RALYL: variants seen among roughly 807,000 people sequenced by gnomAD.
RALYL encodes the protein RNA-binding Raly-like protein.
A neutral mutation model predicts 35.1 loss-of-function variants in RALYL; 29 were observed. The ratio of observed to expected loss-of-function variants is 0.83; its 90% CI spans 0.61 to 1.13. The LOEUF is 1.13. Ranked by LOEUF, RALYL falls within the 50% of genes most tolerant of loss-of-function variation. RALYL has a pLI of 0.00. For missense variants in RALYL, 359 were observed against 360.4 expected, an observed-to-expected ratio of 1.00 and a Z score of 0.03; for synonymous variants, 120 against 127.6, an observed-to-expected ratio of 0.94 and a Z score of 0.40.
At chr8:84,349,411 G>A (rs565014257) in intron 1 of RALYL, among the ~76,000 whole-genome samples, 2 of 150,286 alleles carry the variant, frequency 1.3e-5, no homozygotes, top group African/African-American at 2.5e-5. Flanking sequence ...TTAAGAAACT[G>A]AACAAGGGGA....
At chr8:84,432,855 A>T (rs911116354) in intron 1 of RALYL, among the ~76,000 whole-genome samples, 1 of 152,122 alleles carries the variant, frequency 6.6e-6, no homozygotes, top group African/African-American at 2.4e-5. Context: ...AGAGTCTCAC[A>T]GGGAGCATGG....
intron 2 of RALYL, among the ~76,000 whole-genome samples, chr8:84,586,062 G>T (rs1483311250): frequency 6.6e-6 from 1 of 151,936 alleles, no homozygotes; most frequent in African/African-American, 2.4e-5. Context: ...GGGCGTGGTG[G>T]CACACACCTG....
At chr8:84,831,165 G>A (rs1267132787) in intron 4 of RALYL, among the ~76,000 whole-genome samples, 1 of 152,072 alleles carries the variant, frequency 6.6e-6, no homozygotes, top group Non-Finnish European at 1.5e-5. Flanking sequence ...ATAATAAAAA[G>A]TAAAATATAT....
chr8:84,183,150 C>T, upstream of RALYL: 1 of 160,318 alleles, frequency 6.2e-6, no homozygotes, highest in Non-Finnish European at 1.4e-5. Flanking sequence ...GCAGAGGCGG[C>T]GGCAGCTGCG....
chr8:84,491,631 C>A (rs75046789), intron 1 of RALYL, among the ~76,000 whole-genome samples: 1 of 151,732 alleles, frequency 6.6e-6, no homozygotes, highest in Non-Finnish European at 1.5e-5. Context: ...CTTGCTTTAA[C>A]GAAAACAAAA....
intron 1 of RALYL, among the ~76,000 whole-genome samples, chr8:84,522,754 T>C (rs996408578): frequency 1.3e-5 from 2 of 152,206 alleles, no homozygotes; most frequent in Non-Finnish European, 2.9e-5. Flanking sequence ...TAACTTTTAG[T>C]GTATGATCCA....
At chr8:84,714,428 A>T (rs1470249390) in intron 2 of RALYL, among the ~76,000 whole-genome samples, 1 of 151,828 alleles carries the variant, frequency 6.6e-6, no homozygotes, top group Non-Finnish European at 1.5e-5. Flanking sequence ...AGACATGGTA[A>T]TGGATATGTT....
At chr8:84,744,120 T>A (rs1011736170) in intron 2 of RALYL, among the ~76,000 whole-genome samples, 2 of 151,972 alleles carry the variant, frequency 1.3e-5, no homozygotes, top group South Asian at 2.1e-4. Flanking sequence ...CAACAATTTT[T>A]AAAAAATAAA....
intron 6 of RALYL, among the ~76,000 whole-genome samples, chr8:84,866,898 A>C (rs1207543522): frequency 6.6e-6 from 1 of 152,190 alleles, no homozygotes; most frequent in Non-Finnish European, 1.5e-5. Flanking sequence ...AATTCTCAGC[A>C]AAGTGCTACC....
At chr8:84,614,740 C>T (rs1053338284) in intron 2 of RALYL, among the ~76,000 whole-genome samples, 7 of 149,964 alleles carry the variant, frequency 4.7e-5, no homozygotes, top group Admixed American at 3.3e-4. Flanking sequence ...ATGGAAAGAG[C>T]TAAGACTACA....
intron 2 of RALYL, among the ~76,000 whole-genome samples, chr8:84,634,395 C>T (rs1389793014): frequency 6.6e-6 from 1 of 151,838 alleles, no homozygotes; most frequent in Non-Finnish European, 1.5e-5. Context: ...TTTTAGAAAA[C>T]ACTTCTAAAA....
intron 1 of RALYL, among the ~76,000 whole-genome samples, chr8:84,452,575 T>A (rs773151093): frequency 6.6e-6 from 1 of 151,932 alleles, no homozygotes; most frequent in Non-Finnish European, 1.5e-5. Context: ...ATAAATGAAT[T>A]AGCAACCAAC....
chr8:84,527,090 C>T (rs188502369), intron 1 of RALYL, among the ~76,000 whole-genome samples: 7 of 152,248 alleles, frequency 4.6e-5, no homozygotes, highest in Non-Finnish European at 8.8e-5. Context: ...TGACAGAATA[C>T]AATACTACAA....
chr8:84,554,880 T>A (rs531796670), intron 2 of RALYL, among the ~76,000 whole-genome samples: 1 of 152,314 alleles, frequency 6.6e-6, no homozygotes, highest in East Asian at 1.9e-4. Flanking sequence ...TATGACAAAG[T>A]GTCAGTTTTC....
chr8:84,256,919 T>TA (rs1352299415), intron 1 of RALYL, among the ~76,000 whole-genome samples: 4 of 152,042 alleles, frequency 2.6e-5, no homozygotes, highest in African/African-American at 9.7e-5. Flanking sequence ...TCGCTAATAT[T>TA]ATCTATTTTA....
rs138241438 is a variant in RALYL, at chr8:84,691,009, T to C, written c.257-83570T>C. 2.0e-4 allele frequency among the ~76,000 whole-genome samples: 31 copies of C among 152,240 alleles called. No individual in the cohort carries two copies. The East Asian group carries it at 5.6e-3, about 27-fold the overall frequency. ...TAATTTTTTATCTTTGTAAGACTGA[T>C]TTTTGAGGTTAAAAGAAAAAGAAAT... On this transcript the variant is annotated intron_variant, in intron 2 of 8. Transcript: ENST00000521268.
intron 1 of RALYL, among the ~76,000 whole-genome samples, chr8:84,246,219 CTCTT>C (rs1358402642): frequency 6.6e-6 from 1 of 152,146 alleles, no homozygotes; most frequent in Non-Finnish European, 1.5e-5. Context: ...CTCATTCTCT[CTCTT>C]TCCTTCCCTT....
At chr8:84,776,410 G>A (rs1816851311) in intron 3 of RALYL, among the ~76,000 whole-genome samples, 1 of 152,070 alleles carries the variant, frequency 6.6e-6, no homozygotes, top group South Asian at 2.1e-4. Flanking sequence ...CTTAAAAATG[G>A]AAAGCAATAG....
At chr8:84,772,746 TG>T (rs1180214723) in intron 2 of RALYL, among the ~76,000 whole-genome samples, 1 of 152,144 alleles carries the variant, frequency 6.6e-6, no homozygotes, top group Non-Finnish European at 1.5e-5. Flanking sequence ...ATTTTTTACA[TG>T]AACCCACATA....
Sources: gnomAD v4.1 joint callset for allele counts (sites outside exome capture counted in the v4.1 genomes callset) on GRCh38, gnomAD v4.1.1 for gene constraint, MANE v1.5 for transcripts, NCBI Gene and HGNC (gene_info 2026-07-23, HGNC 2026-07-21) for gene names.